DUSP8: variants seen among roughly 807,000 people sequenced by gnomAD.
DUSP8 encodes the protein dual specificity phosphatase 8.
Under a neutral mutation model 38.7 loss-of-function variants are expected in DUSP8, and 15 were observed. The ratio of observed to expected loss-of-function variants is 0.39; its 90% confidence interval spans 0.26 to 0.60. DUSP8 has a LOEUF of 0.60. Ranked by LOEUF, DUSP8 falls within the 20% of genes least tolerant of loss-of-function variation. The probability of loss-of-function intolerance (pLI) is 0.56; values close to 1 mark genes in which losing one functional copy is unlikely to be tolerated. For synonymous variants in DUSP8, 458 were observed against 433.9 expected (o/e 1.06, Z -0.69); for missense variants, 768 against 915.0 (o/e 0.84, Z 2.07).
chr11:1,559,055 C>T lies in DUSP8; in HGVS notation c.371G>A (p.Gly124Glu), dbSNP rs1848679519. Residue 124 changes from glycine (G) to glutamate (E), a missense_variant and splice_region_variant, in exon 4 of 7, where the codon GGG becomes GAG. By Grantham distance (98) the Gly-to-Glu change is moderately conservative (BLOSUM62 -2). Around this residue, in one of 3 missense-constraint regions of DUSP8, gnomAD observed 252 missense variants for 410.4 expected, o/e 0.61. Coordinates refer to ENST00000397374, the MANE Select transcript of DUSP8 (RefSeq NM_004420.3). The stretch of plus-strand genomic sequence containing the variant: ...GCAGGAGGAGAAGGTGGCGAAGCCC[C>T]CTGTAGGAGGAGGGCCGTCAAGTGG... ...GCFDSVAILT[G>E]GFATFSSCFP... The T allele has an allele frequency of 6.2e-7, 1 of 1,609,020 alleles. No individual in the cohort carries two copies. Among genetic ancestry groups the T allele is most frequent in the Admixed American group, 1.7e-5 (1 of 59,786 alleles).
chr11:1,560,231 G>A (rs915818694), intron 3 of DUSP8, among the ~76,000 whole-genome samples: 5 of 152,174 alleles, frequency 3.3e-5, no homozygotes, highest in African/African-American at 1.2e-4. Flanking sequence ...ATTGGACGGG[G>A]CAGGGGAGTG....
At chr11:1,564,161 T>C (rs1006597278) in intron 2 of DUSP8, among the ~76,000 whole-genome samples, 172 bp from the exon 3 acceptor site, 5 of 152,188 alleles carry the variant, frequency 3.3e-5, no homozygotes, top group African/African-American at 9.6e-5. Context: ...CTCTCCTCCA[T>C]CTGCCAGAGG....
chr11:1,559,180 G>C (rs911337004), intron 3 of DUSP8, 125 bp from the exon 4 acceptor site: 1 of 940,868 alleles, frequency 1.1e-6, no homozygotes, highest in Non-Finnish European at 1.5e-6. Context: ...GCCCAGACCC[G>C]AGCCTGAGCC....
In DUSP8 at chr11:1,555,488, AG is replaced by A. The variant is rs1848607421; in HGVS notation, c.*1029del. The A allele has an allele frequency of 2.2e-5, 13 of 591,650 alleles. No individual in the cohort carries two copies. Among genetic ancestry groups the A allele is most frequent in the Middle Eastern group, 6.0e-4 (1 of 1,664 alleles). 36.7% of individuals were successfully genotyped at this position (591,650 alleles called of 1,614,324 possible). On this transcript the variant is annotated 3_prime_UTR_variant, in exon 7 of 7. Transcript: ENST00000397374. ...AAGTTCTGCCTGGGGCATGGCTGGG[AG>A]GGGGGCGGGGCAGACCTGGAACAGA...
chr11:1,564,671 C>T (rs527938519), intron 2 of DUSP8, among the ~76,000 whole-genome samples: 63 of 152,358 alleles, frequency 4.1e-4, no homozygotes, highest in African/African-American at 4.8e-4. Flanking sequence ...CCAGCTGAGC[C>T]GCCAACCCTG....
Position 1,565,902 on chromosome 11 carries a change from G to C in DUSP8, c.-76C>G. 2.4e-6 allele frequency: 3 copies of C among 1,250,384 alleles called. No individual in the cohort carries two copies. Among genetic ancestry groups the C allele is most frequent in the Non-Finnish European group, 3.5e-6 (3 of 863,606 alleles). 77.5% of individuals were successfully genotyped at this position (1,250,384 alleles called of 1,614,324 possible). A position where few individuals can be genotyped will look rare whatever the true frequency, so the allele number is the denominator to read the frequency against. On this transcript the variant is annotated 5_prime_UTR_variant, in exon 2 of 7. Transcript: ENST00000397374. ...GCTCCGACGGCCCAGGTGTGGCCTC[G>C]CGCTGGGAGTGACCTAGCACATGGT...
At position 1,557,318 on chromosome 11, in the gene DUSP8, C is replaced by A; in HGVS notation, c.1078G>T (p.Ala360Ser). Residue 360 changes from alanine (A) to serine (S), a missense_variant, in exon 7 of 7, where the codon GCG (alanine) becomes TCG (serine). Ala to Ser is a moderately conservative substitution (Grantham distance 99). Coordinates refer to ENST00000397374, the MANE Select transcript of DUSP8 (RefSeq NM_004420.3). The surrounding 1 kb of genome is among the most constrained non-coding windows in gnomAD (Gnocchi z 9.9). ...GGLSAGGEPPAPPTPPATSAL... is the reference protein window; with the variant it reads ...GGLSAGGEPPSPPTPPATSAL... ...CTGGTCGCCGGGGGCGTGGGGGGCG[C>A]GGGGGGCTCCCCGCCCGCGCTCAGG... is the stretch of plus-strand genomic sequence containing the variant. The A allele has an allele frequency of 6.7e-7, 1 of 1,490,666 alleles. No homozygotes were observed. Among genetic ancestry groups the A allele is most frequent in the Non-Finnish European group, 8.8e-7 (1 of 1,131,264 alleles). The allele number at this position is 1,490,666 out of a possible 1,614,324, so 92.3% of individuals were successfully genotyped here. A position where few individuals can be genotyped will look rare whatever the true frequency, so the allele number is the denominator to read the frequency against.
chr11:1,565,382 T>C (rs1172711051), intron 2 of DUSP8, among the ~76,000 whole-genome samples: 1 of 151,540 alleles, frequency 6.6e-6, no homozygotes, highest in African/African-American at 2.4e-5. Flanking sequence ...GGAAGGGTGC[T>C]GCGGGCGGGG....
At chr11:1,569,742 G>A (rs901295941) in intron 1 of DUSP8, among the ~76,000 whole-genome samples, 1 of 152,124 alleles carries the variant, frequency 6.6e-6, no homozygotes, top group African/African-American at 2.4e-5. Context: ...CTAGAAATGG[G>A]GACTCACTAC....
At chr11:1,567,391 A>T (rs1424684135) in intron 1 of DUSP8, among the ~76,000 whole-genome samples, 1 of 152,224 alleles carries the variant, frequency 6.6e-6, no homozygotes, top group African/African-American at 2.4e-5. Flanking sequence ...TCTCCAGGTC[A>T]GCTCCCAGGC....
rs995356611 is a variant in DUSP8 at position 1,572,203 on chromosome 11, C to A, written c.-411G>T. Among the ~76,000 whole-genome samples, 31 of 145,654 alleles carry A rather than the reference C, an allele frequency of 2.1e-4. No individual in the cohort carries two copies. Among genetic ancestry groups the A allele is most frequent in the Non-Finnish European group, 3.5e-4 (23 of 65,532 alleles). On this transcript the variant is annotated 5_prime_UTR_variant, in exon 1 of 7. Coordinates refer to ENST00000397374, the MANE Select transcript of DUSP8 (RefSeq NM_004420.3). The surrounding 1 kb of genome is among the most constrained non-coding windows in gnomAD (Gnocchi z 4.7). Reference sequence around the variant, plus strand: ...GCTCGGGCTCGGGCTCGGGCTCGGGCTCGGGCGTCCGGCGTCCGGCGGGGC... The same window carrying A: ...GCTCGGGCTCGGGCTCGGGCTCGGGATCGGGCGTCCGGCGTCCGGCGGGGC...
rs1226029422 is a variant in DUSP8 at position 1,555,890 on chromosome 11, C to G, written c.*628G>C. 1 of 152,232 alleles carries G rather than the reference C, an allele frequency of 6.6e-6. No homozygotes were observed. The highest frequency in any genetic ancestry group is 2.4e-5 in the African/African-American group (1 of 41,448). The allele number at this position is 152,232 out of a possible 1,614,324, so 9.4% of individuals were successfully genotyped here. On this transcript the variant is annotated 3_prime_UTR_variant, in exon 7 of 7. Coordinates refer to ENST00000397374, the MANE Select transcript of DUSP8 (RefSeq NM_004420.3). ...CACCCTGGCACCATGAAGCCCAATG[C>G]CTGTCCTCCCCTGCCAGAGAACAGC...
chr11:1,566,296 C>A (rs916596150), intron 1 of DUSP8, among the ~76,000 whole-genome samples: 4 of 152,092 alleles, frequency 2.6e-5, no homozygotes, highest in Admixed American at 6.5e-5. Flanking sequence ...CACCACAGGA[C>A]CCCCAGCAAG....
chr11:1,571,117 G>A (rs938391797), intron 1 of DUSP8, among the ~76,000 whole-genome samples: 1 of 152,166 alleles, frequency 6.6e-6, no homozygotes, highest in Non-Finnish European at 1.5e-5. Flanking sequence ...TCCCAGAAGG[G>A]GTGACCCTGT....
Position 1,563,862 on chromosome 11 carries a change from G to C in DUSP8, c.359C>G (p.Ala120Gly). 6.5e-7 allele frequency: 1 copy of C among 1,533,640 alleles called. No homozygotes were observed. The highest frequency in any genetic ancestry group is 1.2e-5 in the South Asian group (1 of 80,784). Residue 120 changes from alanine to glycine, a missense_variant, in exon 3 of 7, where the codon GCC (alanine) becomes GGC (glycine). Transcript: ENST00000397374. ...SKLDGCFDSV[A>G]ILTGGFATFS... Reference sequence around the variant, plus strand: ...GGTCATGGACTCACCAGTGAGGATGGCCACGCTGTCGAAGCAGCCGTCCAG... The same window carrying C: ...GGTCATGGACTCACCAGTGAGGATGCCCACGCTGTCGAAGCAGCCGTCCAG...
intron 1 of DUSP8, 29 bp from the exon 2 acceptor site, chr11:1,565,963 G>A (rs1843575362): frequency 2.7e-6 from 2 of 739,558 alleles, no homozygotes; most frequent in East Asian, 5.4e-5. Context: ...GGTCAGCAGT[G>A]CTGCGGGCCC....
rs1848590181 is a variant in DUSP8 at position 1,554,449 on chromosome 11, C to T, written c.*2069G>A. 1.3e-5 allele frequency: 2 copies of T among 156,864 alleles called. No individual in the cohort carries two copies. Among genetic ancestry groups the T allele is most frequent in the Admixed American group, 1.3e-4 (2 of 15,286 alleles). The allele number at this position is 156,864 out of a possible 1,614,324, so 9.7% of individuals were successfully genotyped here. ...GCTTGGAGAGGACTCAGGGCTGGGT[C>T]AGGTGAAAGCCACCAGGTGGGGCCT... On this transcript the variant is annotated 3_prime_UTR_variant, in exon 7 of 7. Transcript: ENST00000397374.
At chr11:1,570,544 C>T (rs915479706) in intron 1 of DUSP8, among the ~76,000 whole-genome samples, 41 of 152,294 alleles carry the variant, frequency 2.7e-4, no homozygotes, top group Non-Finnish European at 4.4e-5. Flanking sequence ...TGACTCTAAG[C>T]GTCTTTCTGC....
intron 3 of DUSP8, 102 bp downstream of exon 3, chr11:1,563,749 T>C (rs1848756903): frequency 1.5e-5 from 19 of 1,255,050 alleles, no homozygotes; most frequent in Non-Finnish European, 2.0e-5. Context: ...TGTATGGAGA[T>C]CCCCCCGTGC....
Sources: allele counts gnomAD v4.1 joint callset (sites outside exome capture counted in the v4.1 genomes callset), GRCh38; gene constraint gnomAD v4.1.1; regional missense constraint gnomAD v4.1.1; non-coding constraint Gnocchi (gnomAD v3.1); transcripts MANE v1.5; gene names NCBI Gene and HGNC (gene_info 2026-07-23, HGNC 2026-07-21).